The following TTC27 variants were observed in gnomAD, a reference collection of about 807,000 sequenced individuals.
TTC27 encodes tetratricopeptide repeat domain 27.
In TTC27, 79 loss-of-function variants were observed where a neutral mutation model predicts 115.9. The observed-to-expected ratio is 0.68, with a 90% confidence interval of 0.57 to 0.82. TTC27 has a LOEUF of 0.82. Among genes scored for constraint, TTC27 ranks in the 40% least tolerant of loss-of-function variants. The probability of loss-of-function intolerance (pLI) is 0.00; values close to 1 mark genes in which losing one functional copy is unlikely to be tolerated. For missense variants in TTC27, 1,054 were observed against 993.1 expected (o/e 1.06, Z -0.82); for synonymous variants, 401 against 356.0 (o/e 1.13, Z -1.42).
At chr2:32,782,451 A>T (rs1670212788) in intron 14 of TTC27, among the ~76,000 whole-genome samples, 175 bp from the exon 15 acceptor site, 2 of 152,344 alleles carry the variant, frequency 1.3e-5, no homozygotes, top group South Asian at 4.1e-4. Flanking sequence ...CTTTTTCTAA[A>T]TTATAAAAGT....
At chr2:32,774,760 TC>T (rs1462150746) in intron 13 of TTC27, among the ~76,000 whole-genome samples, 1 of 152,122 alleles carries the variant, frequency 6.6e-6, no homozygotes, top group East Asian at 1.9e-4. Flanking sequence ...TTGTCTGTAG[TC>T]CCCCAAATTC....
chr2:32,767,670 C>T (rs1172763233), intron 13 of TTC27, among the ~76,000 whole-genome samples: 1 of 151,076 alleles, frequency 6.6e-6, no homozygotes, highest in Non-Finnish European at 1.5e-5. Flanking sequence ...ACCTTGTTAG[C>T]CAGGATGGTC....
rs116828854 is a variant in TTC27, at chr2:32,656,328, C to T, written c.640+6095C>T. 2.0e-3 allele frequency among the ~76,000 whole-genome samples: 308 copies of T among 152,158 alleles called. 1 individual carries two copies. The highest frequency in any genetic ancestry group is 7.2e-3 in the African/African-American group (297 of 41,502). ...AGGGAGAGAATGTGATTGTTCTGAACCGGGAGGTCAGAGAAACCTTCACGA... is the reference window on the plus strand; with the variant it reads ...AGGGAGAGAATGTGATTGTTCTGAATCGGGAGGTCAGAGAAACCTTCACGA... On this transcript the variant is annotated intron_variant, in intron 5 of 19. Transcript: ENST00000317907.
intron 8 of TTC27, among the ~76,000 whole-genome samples, chr2:32,674,080 A>G (rs1185074063): frequency 1.3e-5 from 2 of 152,178 alleles, no homozygotes; most frequent in Non-Finnish European, 2.9e-5. Context: ...AATCCCTCAC[A>G]AAGCTATAAT....
In TTC27 at chr2:32,817,547, C is replaced by A. The variant is rs1399438873; in HGVS notation, c.2399C>A (p.Ser800Tyr). 1 of 1,613,440 alleles carries A rather than the reference C, an allele frequency of 6.2e-7. No individual in the cohort carries two copies. Among genetic ancestry groups the A allele is most frequent in the South Asian group, 1.1e-5 (1 of 91,064 alleles). ...CGACTCAATTTACGGGGCTTGTTAT[C>A]TAAAGCAAAGGTGAGAGTGACATGT... Reference protein sequence around the residue: ...SVRLNLRGLLSKAKQLFTDVA... With the variant: ...SVRLNLRGLLYKAKQLFTDVA... Residue 800 changes from serine to tyrosine, a missense_variant, in exon 19 of 20, where the codon TCT (serine) becomes TAT (tyrosine). Transcript: ENST00000317907.
chr2:32,767,756 C>T (rs746945932), intron 13 of TTC27, among the ~76,000 whole-genome samples: 6 of 152,028 alleles, frequency 3.9e-5, no homozygotes, highest in East Asian at 1.9e-4. Context: ...CCACCGCGCC[C>T]GGCCATTATA....
intron 12 of TTC27, among the ~76,000 whole-genome samples, chr2:32,743,442 G>T (rs917085611): frequency 6.6e-6 from 1 of 152,256 alleles, no homozygotes; most frequent in Middle Eastern, 3.4e-3. Flanking sequence ...TCCTAGTGGT[G>T]CTTAGGGTAG....
intron 5 of TTC27, 124 bp downstream of exon 5, chr2:32,650,357 T>A: frequency 2.1e-5 from 5 of 243,410 alleles, no homozygotes; most frequent in Non-Finnish European, 3.9e-5. Context: ...TTGTTTCTTT[T>A]TTTTTTTTTT....
chr2:32,811,278 T>A, intron 17 of TTC27, 57 bp downstream of exon 17: 1 of 1,514,622 alleles, frequency 6.6e-7, no homozygotes, highest in Non-Finnish European at 9.0e-7. Context: ...TTGTAGTAGA[T>A]CTACTTTTTT....
In TTC27 at chr2:32,646,810, G is replaced by T. The variant is rs774049235; in HGVS notation, c.538-3321G>T. ...GATCTCCTGACCTTGTGATCCGCCT[G>T]CCTCAGCCTCCCAAAGTGCTGAGAT... On this transcript the variant is annotated intron_variant, in intron 4 of 19. Transcript: ENST00000317907. 4.9e-4 allele frequency among the ~76,000 whole-genome samples: 74 copies of T among 151,816 alleles called. 2 individuals carry two copies. The highest frequency in any genetic ancestry group is 5.2e-4 in the Non-Finnish European group (35 of 67,914).
intron 3 of TTC27, among the ~76,000 whole-genome samples, chr2:32,638,362 T>G (rs1306289078): frequency 6.6e-6 from 1 of 152,176 alleles, no homozygotes; most frequent in Non-Finnish European, 1.5e-5. Flanking sequence ...AGTTATTTCC[T>G]TCTTTCTCTT....
intron 9 of TTC27, among the ~76,000 whole-genome samples, chr2:32,696,173 T>C (rs963410049): frequency 6.6e-6 from 1 of 151,910 alleles, no homozygotes; most frequent in Non-Finnish European, 1.5e-5. Context: ...TCACTCAGCA[T>C]GGTGTCCTCA....
intron 12 of TTC27, among the ~76,000 whole-genome samples, chr2:32,737,839 CA>C (rs1305377865): frequency 6.6e-6 from 1 of 151,576 alleles, no homozygotes; most frequent in Non-Finnish European, 1.5e-5. Context: ...CCCATCTCTA[CA>C]AAAAAACAAA....
intron 12 of TTC27, among the ~76,000 whole-genome samples, chr2:32,750,664 G>A (rs1668979262): frequency 6.6e-6 from 1 of 152,162 alleles, no homozygotes; most frequent in Non-Finnish European, 1.5e-5. Flanking sequence ...CTGACATGGG[G>A]AAACTTTAAA....
At chr2:32,731,381 T>C (rs1357653905) in intron 10 of TTC27, among the ~76,000 whole-genome samples, 2 of 152,120 alleles carry the variant, frequency 1.3e-5, no homozygotes, top group African/African-American at 4.8e-5. Context: ...GCCTGGCCCC[T>C]TTTTTTCCTT....
intron 3 of TTC27, among the ~76,000 whole-genome samples, chr2:32,634,719 C>G (rs553818645): frequency 2.6e-5 from 4 of 151,722 alleles, no homozygotes; most frequent in African/African-American, 9.7e-5. Context: ...TACAATGGCG[C>G]GATCTCAGCT....
intron 7 of TTC27, among the ~76,000 whole-genome samples, chr2:32,668,972 C>T (rs780486385): frequency 9.2e-5 from 14 of 151,698 alleles, no homozygotes; most frequent in Admixed American, 6.6e-4. Flanking sequence ...CCAGCTACTC[C>T]GGAGTCTGTG....
chr2:32,686,360 T>G (rs1480974370), intron 9 of TTC27, among the ~76,000 whole-genome samples: 1 of 152,112 alleles, frequency 6.6e-6, no homozygotes, highest in African/African-American at 2.4e-5. Context: ...GGACTTCTGC[T>G]TCTGTAGTGG....
At chr2:32,777,190 T>C (rs1008088650) in intron 13 of TTC27, among the ~76,000 whole-genome samples, 2 of 152,248 alleles carry the variant, frequency 1.3e-5, no homozygotes, top group Non-Finnish European at 2.9e-5. Flanking sequence ...GCTGCAGAAG[T>C]TCTTGTGGTC....
Sources: gnomAD v4.1 joint callset for allele counts (sites outside exome capture counted in the v4.1 genomes callset) on GRCh38, gnomAD v4.1.1 for gene constraint, MANE v1.5 for transcripts, NCBI Gene and HGNC (gene_info 2026-07-23, HGNC 2026-07-21) for gene names.